Variants in DLEC1 observed in about 807,000 individuals in gnomAD.
The protein encoded by DLEC1 is deleted in lung and esophageal cancer protein 1.
Under a neutral mutation model 198.1 loss-of-function variants are expected in DLEC1, and 146 were observed. The observed-to-expected ratio is 0.74, with a 90% CI of 0.64 to 0.85. The LOEUF (loss-of-function observed/expected upper bound fraction) is 0.85, where lower values mean the gene tolerates loss of function less well. Among genes scored for constraint, DLEC1 ranks in the 40% least tolerant of loss-of-function variants. The pLI is 0.00. For missense variants in DLEC1, 2,233 were observed against 2,220.0 expected (o/e 1.01, Z -0.12); for synonymous variants, 897 against 866.8 (o/e 1.03, Z -0.61).
intron 2 of DLEC1, among the ~76,000 whole-genome samples, chr3:38,048,421 G>A (rs142596681): frequency 2.6e-4 from 39 of 152,348 alleles, no homozygotes; most frequent in African/African-American, 9.1e-4. Context: ...AAAGATCTAA[G>A]GGAGGAAGAA....
rs761869026 is a variant in DLEC1 at position 38,062,621 on chromosome 3, T to TA, written c.915dup (p.Arg306ThrfsTer31). 4 of 1,614,054 alleles carry TA rather than the reference T, an allele frequency of 2.5e-6. No individual in the cohort carries two copies. The highest frequency in any genetic ancestry group is 3.4e-6 in the Non-Finnish European group (4 of 1,180,038). On this transcript the variant is annotated frameshift_variant, in exon 5 of 37. Transcript: ENST00000308059. LOFTEE classifies it high-confidence loss of function. ...AGGAATAAAAACTGGATGAACCACT[T>TA]ACGTGTGCCACAGAGAGAGCTAGAC...
At chr3:38,121,511 G>A (rs1449834382) in intron 34 of DLEC1, 117 bp from the exon 35 acceptor site, 5 of 1,362,456 alleles carry the variant, frequency 3.7e-6, no homozygotes, top group Admixed American at 4.8e-5. Flanking sequence ...CCAACTTCTG[G>A]GAGCTTCCCG....
intron 11 of DLEC1, 105 bp from the exon 12 acceptor site, chr3:38,093,500 G>A: frequency 7.2e-7 from 1 of 1,382,524 alleles, no homozygotes; most frequent in Non-Finnish European, 1.0e-6. Flanking sequence ...AGGAATCATG[G>A]TCAAGGCCAG....
chr3:38,120,049 A>G (rs1700370216), intron 33 of DLEC1, among the ~76,000 whole-genome samples: 1 of 152,146 alleles, frequency 6.6e-6, no homozygotes, highest in African/African-American at 2.4e-5. Context: ...GTCTGGCATC[A>G]TCACACTCAT....
chr3:38,051,143 C>T (rs1216579808), intron 2 of DLEC1, among the ~76,000 whole-genome samples: 2 of 152,184 alleles, frequency 1.3e-5, no homozygotes, highest in Non-Finnish European at 2.9e-5. Flanking sequence ...TCAAGCAATC[C>T]GCCCACCTCA....
rs141302474 is a variant in DLEC1 at position 38,122,835 on chromosome 3, A to G, written c.*423A>G. ...AGGCTGCTTTTATCTTGCACAGCTA[A>G]AGAGGGTCTGATGGGTGGCTCAACA... On this transcript the variant is annotated 3_prime_UTR_variant, in exon 37 of 37. Coordinates refer to ENST00000308059, the MANE Select transcript of DLEC1 (RefSeq NM_007335.4). 1 of 823,772 alleles carries G rather than the reference A, an allele frequency of 1.2e-6. No individual in the cohort carries two copies. The highest frequency in any genetic ancestry group is 1.7e-5 in the African/African-American group (1 of 57,862). 51.0% of individuals were successfully genotyped at this position (823,772 alleles called of 1,614,324 possible).
intron 27 of DLEC1, 78 bp from the exon 28 acceptor site, chr3:38,116,375 G>A: frequency 1.4e-6 from 2 of 1,405,622 alleles, no homozygotes; most frequent in Admixed American, 1.9e-5. Flanking sequence ...CTCTGTCTGG[G>A]GGTATGAGGA....
At chr3:38,099,696 GA>G (rs1225475334) in intron 18 of DLEC1, among the ~76,000 whole-genome samples, 1 of 145,262 alleles carries the variant, frequency 6.9e-6, no homozygotes, top group African/African-American at 2.5e-5. Context: ...CCCAGATGGG[GA>G]CACTTTTCTT....
At chr3:38,111,043 C>T (rs1168605713) in intron 23 of DLEC1, among the ~76,000 whole-genome samples, 2 of 152,166 alleles carry the variant, frequency 1.3e-5, no homozygotes, top group African/African-American at 2.4e-5. Context: ...AGCACTGGTT[C>T]AGGAGAACTG....
Position 38,109,558 on chromosome 3 carries a change from T to A in DLEC1, c.3256T>A (p.Cys1086Ser), listed in dbSNP as rs1307472596. The A allele has an allele frequency of 1.9e-6, 3 of 1,614,042 alleles. No individual in the cohort carries two copies. The highest frequency in any genetic ancestry group is 1.7e-6 in the Non-Finnish European group (2 of 1,180,010). Residue 1086 changes from cysteine to serine, a missense_variant, in exon 22 of 37, where the codon TGC (cysteine) becomes AGC (serine). Cys to Ser is a moderately radical substitution (Grantham distance 112). Coordinates refer to ENST00000308059, the MANE Select transcript of DLEC1 (RefSeq NM_007335.4). ...TACCATCTCTAAGGAGAGCTCTGAT[T>A]GCAGGTGAGCCCAGGGTTGGTGGTC... ...AITISKESSDCSTEQWPGHPK... is the reference protein window; with the variant it reads ...AITISKESSDSSTEQWPGHPK...
At chr3:38,100,638 A>G (rs1699259611) in intron 19 of DLEC1, among the ~76,000 whole-genome samples, 1 of 152,218 alleles carries the variant, frequency 6.6e-6, no homozygotes, top group African/African-American at 2.4e-5. Context: ...TTATGTATAT[A>G]TCTTTCTAGG....
chr3:38,079,966 G>A (rs927347082), intron 6 of DLEC1, among the ~76,000 whole-genome samples: 7 of 152,058 alleles, frequency 4.6e-5, no homozygotes, highest in Admixed American at 6.6e-5. Context: ...TGTCAGGAGC[G>A]GATTGGGTAA....
At chr3:38,062,447 G>A in intron 4 of DLEC1, 79 bp downstream of exon 4, 1 of 1,593,394 alleles carries the variant, frequency 6.3e-7, no homozygotes, top group Non-Finnish European at 8.6e-7. Flanking sequence ...GATGACATGA[G>A]AAGCTGTGAT....
At chr3:38,097,483 C>T (rs775176565) in intron 16 of DLEC1, 24 bp from the exon 17 acceptor site, 2 of 1,613,416 alleles carry the variant, frequency 1.2e-6, no homozygotes, top group Admixed American at 1.7e-5. Context: ...TCCTCTCCAC[C>T]TCTCCCTTTC....
At chr3:38,082,176 G>A (rs947337966) in intron 6 of DLEC1, among the ~76,000 whole-genome samples, 2 of 144,052 alleles carry the variant, frequency 1.4e-5, no homozygotes, top group East Asian at 2.1e-4. Flanking sequence ...GGGCAGAGGC[G>A]CTCCCCACAT....
At chr3:38,096,224 C>T (rs533743578) in intron 14 of DLEC1, among the ~76,000 whole-genome samples, 84 of 152,296 alleles carry the variant, frequency 5.5e-4, no homozygotes, top group African/African-American at 1.7e-3. Flanking sequence ...GGGGGGCCCT[C>T]GGTGGTGGTG....
At position 38,120,482 on chromosome 3, in the gene DLEC1, TCTC is replaced by T; in HGVS notation, c.4742_4744del (p.Ser1581del). The T allele has an allele frequency of 1.2e-6, 2 of 1,614,160 alleles. No homozygotes were observed. Among genetic ancestry groups the T allele is most frequent in the South Asian group, 2.2e-5 (2 of 91,076 alleles). ...TCCTTCTCACTCTCCCTGGAGCTGC[TCTC>T]CTATCAGAAGCTCCCAGCTGACCAG... On this transcript the variant is annotated inframe_deletion, in exon 34 of 37. Transcript: ENST00000308059.
chr3:38,117,399 C>G, intron 31 of DLEC1, 97 bp downstream of exon 31: 1 of 1,595,594 alleles, frequency 6.3e-7, no homozygotes, highest in Non-Finnish European at 8.6e-7. Context: ...AGCAAAAGGA[C>G]GGGCATGGGT....
At chr3:38,116,351 G>C (rs537825990) in intron 27 of DLEC1, 102 bp from the exon 28 acceptor site, 28 of 1,140,542 alleles carry the variant, frequency 2.5e-5, no homozygotes, top group Admixed American at 2.2e-4. Context: ...CCTGGGTATG[G>C]GAGAATAGGT....
Sources: gnomAD v4.1 joint callset for allele counts (sites outside exome capture counted in the v4.1 genomes callset) on GRCh38, gnomAD v4.1.1 for gene constraint, MANE v1.5 for transcripts, NCBI Gene and HGNC (gene_info 2026-07-23, HGNC 2026-07-21) for gene names.